Variants in SLC29A2 observed in about 807,000 individuals in gnomAD.
SLC29A2 encodes the protein solute carrier family 29 member 2.
SLC29A2 carries 37 observed loss-of-function variants against 48.8 expected under a neutral mutation model. The observed-to-expected ratio is 0.76, with a 90% CI of 0.58 to 1.00. The LOEUF (loss-of-function observed/expected upper bound fraction) is 1.00. Among genes scored for constraint, SLC29A2 ranks in the 50% least tolerant of loss-of-function variants. The pLI, the probability that SLC29A2 is intolerant of heterozygous loss-of-function variation, is 0.00. For synonymous variants in SLC29A2, 233 were observed against 261.7 expected (o/e 0.89, Z 1.06); for missense variants, 533 against 578.6 (o/e 0.92, Z 0.81).
rs1469650364 is a variant in SLC29A2, at chr11:66,362,830, CTG to C, written c.*604_*605del. On this transcript the variant is annotated 3_prime_UTR_variant, in exon 12 of 12. Coordinates refer to ENST00000357440, the MANE Select transcript of SLC29A2 (RefSeq NM_001532.3). ...AGTGGGTATGGAAGAGCTTTGCAAA[CTG>C]TAAAGTGCAGTACACACATGCAGGC... 1 of 157,044 alleles carries C rather than the reference CTG, an allele frequency of 6.4e-6. No individual in the cohort carries two copies. The highest frequency in any genetic ancestry group is 6.1e-5 in the Admixed American group (1 of 16,342). The allele number at this position is 157,044 out of a possible 1,614,324, so 9.7% of individuals were successfully genotyped here. A position where few individuals can be genotyped will look rare whatever the true frequency, so the allele number is the denominator to read the frequency against.
In SLC29A2 at chr11:66,363,358, G is replaced by A. The variant is rs777709785; in HGVS notation, c.*78C>T. ...CCCCGCAGAGGCCTGAGCCAAGCTC[G>A]CCATTCGCCCTGGGCTGGATCTCAG... is the stretch of plus-strand genomic sequence containing the variant. On this transcript the variant is annotated 3_prime_UTR_variant, in exon 12 of 12. Coordinates refer to ENST00000357440, the MANE Select transcript of SLC29A2 (RefSeq NM_001532.3). The A allele has an allele frequency of 4.6e-5, 56 of 1,204,610 alleles. No individual in the cohort carries two copies. The highest frequency in any genetic ancestry group is 2.0e-4 in the South Asian group (16 of 79,272). 74.6% of individuals were successfully genotyped at this position (1,204,610 alleles called of 1,614,324 possible).
In SLC29A2 at chr11:66,366,336, G is replaced by A. The variant is rs568441791; in HGVS notation, c.867+95C>T. ...AGGACACTTGGGGCCTGGCCCAGCT[G>A]TGTCCCTGACCCACTGTGACCCTAT... On this transcript the variant is annotated intron_variant, in intron 8 of 11. Transcript: ENST00000357440. The A allele has an allele frequency of 8.7e-6, 14 of 1,605,738 alleles. No individual in the cohort carries two copies. The East Asian group carries it at 2.7e-4, about 31-fold the overall frequency.
At chr11:66,367,727 C>T (rs763874943) in intron 6 of SLC29A2, 45 bp downstream of exon 6, 2 of 1,574,992 alleles carry the variant, frequency 1.3e-6, no homozygotes, top group Non-Finnish European at 1.7e-6. Context: ...AGGACTCTAT[C>T]CAAGATGCTT....
At chr11:66,369,259 A>T (rs1200440492) in intron 3 of SLC29A2, 60 bp from the exon 4 acceptor site, 2 of 1,576,378 alleles carry the variant, frequency 1.3e-6, no homozygotes, top group African/African-American at 2.7e-5. Context: ...CTGGGGAAGG[A>T]GGCTCGACAC....
In SLC29A2 at chr11:66,369,274, G is replaced by A; in HGVS notation, c.276-75C>T. On this transcript the variant is annotated intron_variant, in intron 3 of 11. Transcript: ENST00000357440. ...CTGGGGAAGGAGGCTCGACACCTGGGGCTGGGCAGTAGGGCTGGGGGGCAG... is the reference window on the plus strand; with the variant it reads ...CTGGGGAAGGAGGCTCGACACCTGGAGCTGGGCAGTAGGGCTGGGGGGCAG... The A allele has an allele frequency of 6.3e-6, 10 of 1,593,380 alleles. 1 individual carries two copies. In the South Asian group the frequency reaches 8.9e-5, roughly 14 times the overall value.
intron 2 of SLC29A2, among the ~76,000 whole-genome samples, chr11:66,370,779 A>G (rs1328430096): frequency 1.3e-5 from 2 of 151,474 alleles, no homozygotes; most frequent in Non-Finnish European, 2.9e-5. Context: ...GAATGGCGTG[A>G]ACCCGGGAGG....
At chr11:66,365,823 G>T in intron 10 of SLC29A2, 113 bp downstream of exon 10, 2 of 1,008,814 alleles carry the variant, frequency 2.0e-6, no homozygotes, top group Non-Finnish European at 3.1e-6. Flanking sequence ...TTGGCCAGTG[G>T]TTGCATTACC....
At position 66,362,978 on chromosome 11, in the gene SLC29A2, AT is replaced by A. The variant is rs1855465143; in HGVS notation, c.*457del. 5 of 260,686 alleles carry A rather than the reference AT, an allele frequency of 1.9e-5. No individual in the cohort carries two copies. In the South Asian group the frequency reaches 2.1e-4, roughly 11 times the overall value. The allele number at this position is 260,686 out of a possible 1,614,324, so 16.1% of individuals were successfully genotyped here. On this transcript the variant is annotated 3_prime_UTR_variant, in exon 12 of 12. Coordinates refer to ENST00000357440, the MANE Select transcript of SLC29A2 (RefSeq NM_001532.3). ...CTTTGAGCACCCTCAGGTCCTCCAC[AT>A]CTGTTCCTCCTCTCAGGTGCCCACA...
intron 10 of SLC29A2, among the ~76,000 whole-genome samples, chr11:66,365,174 G>A (rs916172681): frequency 2.6e-5 from 4 of 152,126 alleles, no homozygotes; most frequent in African/African-American, 9.7e-5. Context: ...CAGAGTGCTG[G>A]GATTACAGGT....
chr11:66,366,368 G>A, intron 8 of SLC29A2, 63 bp downstream of exon 8: 1 of 1,612,094 alleles, frequency 6.2e-7, no homozygotes, highest in Non-Finnish European at 8.5e-7. Flanking sequence ...CTATGACCTT[G>A]GAGTCAATGT....
At chr11:66,363,693 TG>T in intron 11 of SLC29A2, 146 bp from the exon 12 acceptor site, 2 of 699,484 alleles carry the variant, frequency 2.9e-6, no homozygotes, top group Non-Finnish European at 5.2e-6. Context: ...CTCAGTTTCC[TG>T]GTCTGTAAAT....
chr11:66,371,252 C>T lies in SLC29A2; in HGVS notation c.103G>A (p.Ala35Thr), dbSNP rs547711857. The T allele has an allele frequency of 3.9e-5, 63 of 1,613,580 alleles. 1 individual carries two copies. In the South Asian group the frequency reaches 6.0e-4, roughly 15 times the overall value. Residue 35 changes from alanine to threonine, a missense_variant, in exon 2 of 12, where the codon GCC (alanine) becomes ACC (threonine). Coordinates refer to ENST00000357440, the MANE Select transcript of SLC29A2 (RefSeq NM_001532.3). ...TLLPWNFFIT[A>T]IPYFQARLAG... ...GCCGCCAGGAGTCTCACCGGGATGG[C>T]GGTGATGAAGAAGTTCCAGGGAAGG...
At chr11:66,370,011 A>G (rs1855939823) in intron 2 of SLC29A2, among the ~76,000 whole-genome samples, 1 of 152,244 alleles carries the variant, frequency 6.6e-6, no homozygotes, top group Non-Finnish European at 1.5e-5. Context: ...CCCCAAATGG[A>G]ACAGCTCTTC....
intron 7 of SLC29A2, 45 bp downstream of exon 7, chr11:66,367,419 C>T (rs200689266): frequency 6.4e-7 from 1 of 1,555,960 alleles, no homozygotes; most frequent in Admixed American, 1.7e-5. Context: ...GTGGCTCTAG[C>T]TTCCTCTGCA....
At chr11:66,366,841 C>T (rs907618961) in intron 7 of SLC29A2, among the ~76,000 whole-genome samples, 5 of 152,104 alleles carry the variant, frequency 3.3e-5, no homozygotes, top group African/African-American at 9.7e-5. Flanking sequence ...CCCAGCTACT[C>T]GGGAGACTGA....
rs968464887 is a variant in SLC29A2, at chr11:66,363,688, T to C, written c.1260-141A>G. 8 of 703,084 alleles carry C rather than the reference T, an allele frequency of 1.1e-5. No individual in the cohort carries two copies. In the Admixed American group the frequency reaches 1.7e-4, roughly 15 times the overall value. 43.6% of individuals were successfully genotyped at this position (703,084 alleles called of 1,614,324 possible). A position where few individuals can be genotyped will look rare whatever the true frequency, so the allele number is the denominator to read the frequency against. On this transcript the variant is annotated intron_variant, in intron 11 of 11. Transcript: ENST00000357440. Reference sequence around the variant, plus strand: ...CTGGCCCCTTCTTTCCGGGCCTCAGTTTCCTGGTCTGTAAATGAGGCTGCT... The same window carrying C: ...CTGGCCCCTTCTTTCCGGGCCTCAGCTTCCTGGTCTGTAAATGAGGCTGCT...
Position 66,369,732 on chromosome 11 carries a change from A to G in SLC29A2, c.112-200T>C, listed in dbSNP as rs545409282. On this transcript the variant is annotated intron_variant, in intron 2 of 11. Coordinates refer to ENST00000357440, the MANE Select transcript of SLC29A2 (RefSeq NM_001532.3). Reference sequence around the variant, plus strand: ...CTGAAGTCTGGGACACAGCCTAAGCATTAAGAGCCCCCAGCAAGAGCCTCG... The same window carrying G: ...CTGAAGTCTGGGACACAGCCTAAGCGTTAAGAGCCCCCAGCAAGAGCCTCG... Among the ~76,000 whole-genome samples the G allele has an allele frequency of 1.3e-5, 2 of 152,270 alleles. 1 individual carries two copies. The highest frequency in any genetic ancestry group is 4.8e-5 in the African/African-American group (2 of 41,548).
Position 66,364,214 on chromosome 11 carries a change from T to C in SLC29A2, c.1259+11A>G, listed in dbSNP as rs904703551. The stretch of plus-strand genomic sequence containing the variant: ...ACTCCCAGCCCCCCACCCCACCCCA[T>C]TGCCCCGGACCTGGGCGCCAGGCAC... On this transcript the variant is annotated intron_variant, in intron 11 of 11. Coordinates refer to ENST00000357440, the MANE Select transcript of SLC29A2 (RefSeq NM_001532.3). 2.0e-5 allele frequency: 16 copies of C among 784,182 alleles called. No individual in the cohort carries two copies. The highest frequency in any genetic ancestry group is 1.4e-4 in the African/African-American group (8 of 56,604). The allele number at this position is 784,182 out of a possible 1,614,324, so 48.6% of individuals were successfully genotyped here.
At chr11:66,368,993 C>G in intron 4 of SLC29A2, 67 bp downstream of exon 4, 1 of 1,543,120 alleles carries the variant, frequency 6.5e-7, no homozygotes, top group Non-Finnish European at 8.8e-7. Flanking sequence ...TATGCTGGGC[C>G]CTTTCAATGA....
Sources: allele counts gnomAD v4.1 joint callset (sites outside exome capture counted in the v4.1 genomes callset), GRCh38; gene constraint gnomAD v4.1.1; transcripts MANE v1.5; gene names NCBI Gene and HGNC (gene_info 2026-07-23, HGNC 2026-07-21).